LRBA: variants seen among roughly 807,000 people sequenced by gnomAD.
The protein encoded by LRBA is lipopolysaccharide-responsive and beige-like anchor protein.
LRBA carries 176 observed loss-of-function variants against 330.0 expected under a neutral mutation model. The observed-to-expected ratio is 0.53, with a 90% CI of 0.47 to 0.60. LRBA has a LOEUF of 0.60. Ranked by LOEUF, LRBA falls within the 20% of genes least tolerant of loss-of-function variation. The pLI, the probability that LRBA is intolerant of heterozygous loss-of-function variation, is 0.00. For missense variants in LRBA, 3,259 were observed against 3,444.8 expected (o/e 0.95, Z 1.35); for synonymous variants, 1,230 against 1,193.0 (o/e 1.03, Z -0.64).
chr4:150,976,745 AG>A (rs1561081963), intron 2 of LRBA, among the ~76,000 whole-genome samples: 1 of 152,220 alleles, frequency 6.6e-6, no homozygotes, highest in African/African-American at 2.4e-5. Flanking sequence ...TAAGCAAGAC[AG>A]TCTTGAATTG....
At chr4:150,793,311 G>A (rs1473914553) in intron 34 of LRBA, among the ~76,000 whole-genome samples, 1 of 152,030 alleles carries the variant, frequency 6.6e-6, no homozygotes, top group Non-Finnish European at 1.5e-5. Context: ...TTAAAAAAAT[G>A]AGGTGAATCT....
intron 44 of LRBA, among the ~76,000 whole-genome samples, chr4:150,458,274 TA>T (rs1754334299): frequency 6.6e-6 from 1 of 151,926 alleles, no homozygotes; most frequent in Non-Finnish European, 1.5e-5. Flanking sequence ...ACAAATCCTG[TA>T]AATGCCTTAT....
At chr4:150,285,910 T>C (rs1402771750) in intron 54 of LRBA, 23 bp downstream of exon 54, 1 of 1,443,454 alleles carries the variant, frequency 6.9e-7, no homozygotes, top group East Asian at 2.6e-5. Flanking sequence ...TGCATCCATT[T>C]TGTGAAGGTA....
rs897919677 is a variant in LRBA at position 150,299,603 on chromosome 4, T to A, written c.8017+3022A>T. ...TTAGATAATATGATATTTTTAAAAC[T>A]TTGTCATACAGCTATCAACTTTACA... On this transcript the variant is annotated intron_variant, in intron 53 of 56. Coordinates refer to ENST00000651943, the MANE Select transcript of LRBA (RefSeq NM_001364905.1). Among the ~76,000 whole-genome samples, 6 of 152,090 alleles carry A rather than the reference T, an allele frequency of 3.9e-5. No homozygotes were observed. The South Asian group carries it at 6.2e-4, about 16-fold the overall frequency.
chr4:150,921,812 G>A (rs530642731), intron 4 of LRBA, among the ~76,000 whole-genome samples: 3 of 152,042 alleles, frequency 2.0e-5, no homozygotes, highest in Admixed American at 6.5e-5. Flanking sequence ...CGCAACCTCC[G>A]CCTCCCAGGT....
chr4:150,749,708 C>T (rs1374694354), intron 35 of LRBA, among the ~76,000 whole-genome samples: 1 of 152,072 alleles, frequency 6.6e-6, no homozygotes, highest in East Asian at 1.9e-4. Context: ...CTGCAATAAG[C>T]CACTGCACTC....
intron 36 of LRBA, among the ~76,000 whole-genome samples, chr4:150,723,258 A>G (rs751864915): frequency 2.0e-5 from 3 of 152,162 alleles, no homozygotes; most frequent in Non-Finnish European, 2.9e-5. Context: ...CCGTGCCCTA[A>G]CCCCAGGGAG....
At chr4:150,456,609 C>T (rs928507562) in intron 44 of LRBA, among the ~76,000 whole-genome samples, 5 of 152,106 alleles carry the variant, frequency 3.3e-5, no homozygotes, top group South Asian at 2.1e-4. Context: ...CTAATATTTT[C>T]TCCCATTCTG....
chr4:150,625,566 A>G (rs927080935), intron 37 of LRBA, among the ~76,000 whole-genome samples: 1 of 151,994 alleles, frequency 6.6e-6, no homozygotes, highest in African/African-American at 2.4e-5. Context: ...TCACAGAAAG[A>G]GATATTATAA....
chr4:150,655,150 C>T (rs950650219), intron 37 of LRBA, among the ~76,000 whole-genome samples: 3 of 152,112 alleles, frequency 2.0e-5, no homozygotes, highest in African/African-American at 7.2e-5. Flanking sequence ...GTCAGTTAAA[C>T]TAGTAAAGTC....
intron 30 of LRBA, among the ~76,000 whole-genome samples, chr4:150,822,364 G>T (rs931880533): frequency 1.3e-5 from 2 of 152,048 alleles, no homozygotes; most frequent in Middle Eastern, 3.2e-3. Context: ...ATAAAATTTT[G>T]ATCATTAGTA....
At position 150,851,895 on chromosome 4, in the gene LRBA, T is replaced by G. The variant is rs1312237239; in HGVS notation, c.3815A>C (p.His1272Pro). 10 of 1,608,142 alleles carry G rather than the reference T, an allele frequency of 6.2e-6. No homozygotes were observed. The highest frequency in any genetic ancestry group is 3.3e-4 in the Middle Eastern group (2 of 6,022). Residue 1272 changes from histidine (H) to proline (P), a missense_variant, in exon 23 of 57, where the codon CAT becomes CCT. By Grantham distance (77) the His-to-Pro change is moderately conservative. Coordinates refer to ENST00000651943, the MANE Select transcript of LRBA (RefSeq NM_001364905.1). The stretch of plus-strand genomic sequence containing the variant: ...AATATATAAAATCACCTCAAGCACA[T>G]GTCGATGAGGTTGAGGTGCTTCCAC... ...PNVEAPQPHR[H>P]VLEISRQHEQ...
intron 17 of LRBA, among the ~76,000 whole-genome samples, chr4:150,878,287 T>TGA (rs1266952112): frequency 6.6e-6 from 1 of 151,864 alleles, no homozygotes; most frequent in Non-Finnish European, 1.5e-5. Context: ...TGTAGTGAGC[T>TGA]GAGACTGAGC....
At chr4:150,899,793 C>T (rs986205201) in intron 14 of LRBA, among the ~76,000 whole-genome samples, 206 of 152,054 alleles carry the variant, frequency 1.4e-3, no homozygotes, top group Non-Finnish European at 2.2e-4. Flanking sequence ...CAACAACCAT[C>T]CTAGTCATAT....
rs72719665 is a variant in LRBA, at chr4:150,880,434, C to T, written c.2166-7679G>A. On this transcript the variant is annotated intron_variant, in intron 17 of 56. Coordinates refer to ENST00000651943, the MANE Select transcript of LRBA (RefSeq NM_001364905.1). ...ACCTGGGAGGCCAAGGTGGGAAGAT[C>T]GCTTCAGATGCAGAGGCAGAGGCTG... 2.8e-3 allele frequency among the ~76,000 whole-genome samples: 419 copies of T among 151,524 alleles called. 1 individual carries two copies. The highest frequency in any genetic ancestry group is 4.7e-3 in the Non-Finnish European group (320 of 67,940).
chr4:150,657,733 TGAG>T (rs1780352399), intron 37 of LRBA, among the ~76,000 whole-genome samples: 2 of 152,088 alleles, frequency 1.3e-5, no homozygotes, highest in African/African-American at 4.8e-5. Flanking sequence ...ATTAAAAAAC[TGAG>T]ATTTTTTAAC....
chr4:150,844,582 T>G (rs1047232112), intron 27 of LRBA, 76 bp downstream of exon 27: 2 of 1,331,016 alleles, frequency 1.5e-6, no homozygotes, highest in East Asian at 4.8e-5. Context: ...TAACTTTATG[T>G]TGAAATGAAC....
chr4:150,469,635 GCTGA>G (rs897762694), intron 43 of LRBA, among the ~76,000 whole-genome samples: 3 of 151,948 alleles, frequency 2.0e-5, no homozygotes, highest in Admixed American at 6.6e-5. Context: ...CTTTTCCTCA[GCTGA>G]CTGTGAGATA....
intron 35 of LRBA, among the ~76,000 whole-genome samples, chr4:150,740,105 A>T (rs1731752848): frequency 6.6e-6 from 1 of 152,250 alleles, no homozygotes; most frequent in Non-Finnish European, 1.5e-5. Context: ...AAAAACGCAC[A>T]CATAAAAGAA....
Sources: gnomAD v4.1 joint callset for allele counts (sites outside exome capture counted in the v4.1 genomes callset) on GRCh38, gnomAD v4.1.1 for gene constraint, MANE v1.5 for transcripts, NCBI Gene and HGNC (gene_info 2026-07-23, HGNC 2026-07-21) for gene names.